Variants in RYR3 observed in about 807,000 individuals in gnomAD.
The protein encoded by RYR3 is ryanodine receptor 3.
A neutral mutation model predicts 584.3 loss-of-function variants in RYR3; 207 were observed. That is an observed-to-expected ratio of 0.35 (90% CI 0.32 to 0.40). The LOEUF is 0.40. RYR3 is among the 10% of genes least tolerant of loss of function. RYR3 has a pLI of 1.00. For missense variants in RYR3, 5,616 were observed against 6,089.2 expected, an observed-to-expected ratio of 0.92 and a Z score of 2.59; for synonymous variants, 2,416 against 2,248.5, an observed-to-expected ratio of 1.07 and a Z score of -2.11.
chr15:33,674,667 G>A (rs751320396), intron 38 of RYR3, among the ~76,000 whole-genome samples: 1 of 152,020 alleles, frequency 6.6e-6, no homozygotes, highest in Non-Finnish European at 1.5e-5. Context: ...ATAATCATGA[G>A]GTTGGATGTA....
intron 36 of RYR3, among the ~76,000 whole-genome samples, chr15:33,668,627 T>C (rs2063632521): frequency 6.6e-6 from 1 of 152,178 alleles, no homozygotes; most frequent in Admixed American, 6.5e-5. Context: ...TTGAAAATAT[T>C]TGAAAATGTG....
In RYR3 at chr15:33,740,002, C is replaced by T. The variant is rs749413810; in HGVS notation, c.7820+7C>T. ...AACCTATTAACACCATGAAGTGAGT[C>T]CAGAATCATCTCTGAGCTGGTGCTG... On this transcript the variant is annotated splice_region_variant and intron_variant, in intron 51 of 103. Transcript: ENST00000634891. 1 of 1,612,972 alleles carries T rather than the reference C, an allele frequency of 6.2e-7. No homozygotes were observed. Among genetic ancestry groups the T allele is most frequent in the Non-Finnish European group, 8.5e-7 (1 of 1,179,138 alleles).
intron 1 of RYR3, among the ~76,000 whole-genome samples, chr15:33,463,852 G>C (rs1041387521): frequency 1.3e-5 from 2 of 152,138 alleles, no homozygotes; most frequent in South Asian, 2.1e-4. Flanking sequence ...GAGCCCAAAG[G>C]GTCCTGTAAG....
intron 10 of RYR3, among the ~76,000 whole-genome samples, chr15:33,554,618 A>C (rs1461671710): frequency 6.6e-6 from 1 of 152,176 alleles, no homozygotes; most frequent in Non-Finnish European, 1.5e-5. Flanking sequence ...CTTTACAGAA[A>C]CATCCTGCCA....
At chr15:33,328,017 G>A (rs895847704) in intron 1 of RYR3, among the ~76,000 whole-genome samples, 3 of 152,130 alleles carry the variant, frequency 2.0e-5, no homozygotes, top group African/African-American at 4.8e-5. Flanking sequence ...TTCAAAAGGG[G>A]GTTGTGTCTG....
chr15:33,602,829 T>G (rs911862765), intron 17 of RYR3, among the ~76,000 whole-genome samples: 3 of 145,806 alleles, frequency 2.1e-5, no homozygotes, highest in African/African-American at 7.7e-5. Flanking sequence ...CACTGCAGCC[T>G]TGAACTGCTA....
At chr15:33,318,783 A>G (rs1410823142) in intron 1 of RYR3, among the ~76,000 whole-genome samples, 1 of 152,218 alleles carries the variant, frequency 6.6e-6, no homozygotes, top group Non-Finnish European at 1.5e-5. Flanking sequence ...TAAATAATTC[A>G]TAATCAGAGA....
intron 3 of RYR3, among the ~76,000 whole-genome samples, chr15:33,527,074 G>A (rs1567452120): frequency 6.6e-6 from 1 of 152,140 alleles, no homozygotes; most frequent in Admixed American, 6.5e-5. Context: ...CAGAGGATGT[G>A]ATGGAGAGCG....
At chr15:33,634,505 T>C in intron 24 of RYR3, 81 bp from the exon 25 acceptor site, 2 of 1,460,790 alleles carry the variant, frequency 1.4e-6, no homozygotes, top group Non-Finnish European at 1.9e-6. Flanking sequence ...GCCAGGACTG[T>C]TGCTGGGAAT....
intron 31 of RYR3, among the ~76,000 whole-genome samples, chr15:33,650,880 T>C (rs1356427617): frequency 6.6e-6 from 1 of 152,240 alleles, no homozygotes. Flanking sequence ...CATTATTGAA[T>C]GTCCATCATT....
intron 32 of RYR3, among the ~76,000 whole-genome samples, chr15:33,654,514 A>G (rs1160398504): frequency 6.6e-6 from 1 of 152,028 alleles, no homozygotes; most frequent in African/African-American, 2.4e-5. Context: ...CTGTCTTAAA[A>G]AAAAAAAAAG....
At chr15:33,471,257 T>C (rs983003272) in intron 1 of RYR3, among the ~76,000 whole-genome samples, 3 of 152,078 alleles carry the variant, frequency 2.0e-5, no homozygotes, top group Non-Finnish European at 2.9e-5. Context: ...TAGAAATCGT[T>C]TGGAGAAGCA....
Position 33,820,787 on chromosome 15 carries a change from A to AAGAAGG in RYR3, c.10790_10791insAGAAGG (p.Asp3597delinsGluGluGly). 6.2e-7 allele frequency: 1 copy of AAGAAGG among 1,604,634 alleles called. No homozygotes were observed. Among genetic ancestry groups the AAGAAGG allele is most frequent in the African/African-American group, 1.3e-5 (1 of 74,904 alleles). On this transcript the variant is annotated protein_altering_variant, in exon 78 of 104. Coordinates refer to ENST00000634891, the MANE Select transcript of RYR3 (RefSeq NM_001036.6). ...CAAAGTGGTGAGGATGAAGAAGAAG[A>AAGAAGG]TGAAGACAAGGAAAAAACATTCGAA...
chr15:33,696,975 CA>C (rs1002510197), intron 39 of RYR3, among the ~76,000 whole-genome samples: 7 of 151,458 alleles, frequency 4.6e-5, no homozygotes, highest in African/African-American at 1.5e-4. Flanking sequence ...GCCATGTAGT[CA>C]AAAAAAATTC....
intron 38 of RYR3, among the ~76,000 whole-genome samples, chr15:33,679,966 CTAT>C (rs947752815): frequency 2.0e-5 from 3 of 152,120 alleles, no homozygotes; most frequent in African/African-American, 7.2e-5. Flanking sequence ...TTTTATGGAG[CTAT>C]TGAGAGTAAA....
intron 2 of RYR3, among the ~76,000 whole-genome samples, chr15:33,499,867 G>T (rs962281311): frequency 6.6e-6 from 1 of 152,170 alleles, no homozygotes. Context: ...ACACCTACAA[G>T]GTGTATCACT....
chr15:33,554,894 T>G (rs1595569504), intron 10 of RYR3, among the ~76,000 whole-genome samples: 1 of 152,188 alleles, frequency 6.6e-6, no homozygotes, highest in East Asian at 1.9e-4. Context: ...AAGGGTGAAT[T>G]AATAATGTTA....
intron 102 of RYR3, among the ~76,000 whole-genome samples, chr15:33,861,623 C>T (rs1024264259): frequency 1.3e-5 from 2 of 152,112 alleles, no homozygotes; most frequent in African/African-American, 4.8e-5. Context: ...TTTTCATTCT[C>T]CTGTGAACCT....
intron 15 of RYR3, among the ~76,000 whole-genome samples, chr15:33,585,480 A>C (rs1426278628): frequency 6.6e-6 from 1 of 152,146 alleles, no homozygotes; most frequent in Non-Finnish European, 1.5e-5. Context: ...AGCCAAATAG[A>C]CTTTATTGTG....
Sources: allele counts gnomAD v4.1 joint callset (sites outside exome capture counted in the v4.1 genomes callset), GRCh38; gene constraint gnomAD v4.1.1; transcripts MANE v1.5; gene names NCBI Gene and HGNC (gene_info 2026-07-23, HGNC 2026-07-21).